The following ACER3 variants were observed in gnomAD, a reference collection of about 807,000 sequenced individuals.
ACER3 encodes alkCDase 3.
Under a neutral mutation model 48.9 loss-of-function variants are expected in ACER3, and 16 were observed. The ratio of observed to expected loss-of-function variants is 0.33; its 90% CI spans 0.22 to 0.50. The LOEUF is 0.50. Ranked by LOEUF, ACER3 falls within the 20% of genes least tolerant of loss-of-function variation. The pLI is 0.98. For synonymous variants in ACER3, 109 were observed against 107.8 expected, an observed-to-expected ratio of 1.01 and a Z score of -0.07; for missense variants, 227 against 326.0, an observed-to-expected ratio of 0.70 and a Z score of 2.34.
intron 10 of ACER3, 93 bp from the exon 11 acceptor site, chr11:77,020,181 T>G (rs769389212): frequency 7.4e-7 from 1 of 1,343,370 alleles, no homozygotes; most frequent in Non-Finnish European, 1.1e-6. Context: ...CTACGTATAG[T>G]CATAGCCCCA....
chr11:76,998,632 C>G, intron 6 of ACER3, 131 bp from the exon 7 acceptor site: 1 of 623,174 alleles, frequency 1.6e-6, no homozygotes. Flanking sequence ...TTTTAACATT[C>G]TATTCTTTAA....
At chr11:76,913,792 C>A (rs1946450099) in intron 1 of ACER3, among the ~76,000 whole-genome samples, 1 of 152,154 alleles carries the variant, frequency 6.6e-6, no homozygotes. Context: ...TACCTGACTT[C>A]AAACTATACT....
At chr11:76,872,898 C>CTTTTTTTTTTTTTTTTTTTTTTTT (rs1201710346) in intron 1 of ACER3, among the ~76,000 whole-genome samples, 1 of 110,616 alleles carries the variant, frequency 9.0e-6, no homozygotes. Context: ...TTCTTTCTTT[C>CTTTTTTTTTTTTTTTTTTTTTTTT]TTTTTTCTTT....
At chr11:77,006,904 G>A (rs113914644) in intron 7 of ACER3, among the ~76,000 whole-genome samples, 26 of 152,134 alleles carry the variant, frequency 1.7e-4, no homozygotes, top group African/African-American at 6.3e-4. Context: ...GAGGCCAGGA[G>A]TTCAAGACCA....
chr11:76,881,908 A>T (rs945670920), intron 1 of ACER3, among the ~76,000 whole-genome samples: 15 of 150,764 alleles, frequency 9.9e-5, no homozygotes, highest in Non-Finnish European at 1.3e-4. Context: ...TTTCTGCTTC[A>T]TTCTCTCTCT....
In ACER3 at chr11:76,878,938, G is replaced by A. The variant is rs186308000; in HGVS notation, c.103+17859G>A. ...CTGAGGATGTTGAGCATATTTTCTT[G>A]TGCTTCTTGGTCATCTGTATATCTT... On this transcript the variant is annotated intron_variant, in intron 1 of 10. Coordinates refer to ENST00000532485, the MANE Select transcript of ACER3 (RefSeq NM_018367.7). Among the ~76,000 whole-genome samples, 34 of 152,100 alleles carry A rather than the reference G, an allele frequency of 2.2e-4. 1 individual carries two copies. The highest frequency in any genetic ancestry group is 2.1e-3 in the South Asian group (10 of 4,826).
At chr11:76,994,136 CTT>C (rs56841188) in intron 6 of ACER3, 8,445 of 378,098 alleles carry the variant, frequency 0.022, 2 homozygotes, top group Non-Finnish European at 0.026. Context: ...ATTAAACTTT[CTT>C]TTTTTTTTTT....
intron 1 of ACER3, among the ~76,000 whole-genome samples, chr11:76,909,397 A>G (rs1221546312): frequency 1.3e-5 from 2 of 152,212 alleles, no homozygotes; most frequent in African/African-American, 4.8e-5. Flanking sequence ...AATATCCAGA[A>G]TCTACAAGGA....
chr11:76,864,547 TA>T (rs1314330070), intron 1 of ACER3, among the ~76,000 whole-genome samples: 4 of 151,696 alleles, frequency 2.6e-5, no homozygotes, highest in African/African-American at 9.7e-5. Context: ...CAAGAGTAAT[TA>T]AAACAGTGCT....
intron 6 of ACER3, among the ~76,000 whole-genome samples, chr11:76,992,416 A>G (rs1242467302): frequency 6.6e-6 from 1 of 152,178 alleles, no homozygotes; most frequent in African/African-American, 2.4e-5. Flanking sequence ...TGTAATAAAA[A>G]ACAACTCTTA....
chr11:77,022,873 AAAAAAAAAAAAAAAAAAAAG>A lies in ACER3; in HGVS notation c.*2551_*2570del, dbSNP rs1415731591. The A allele has an allele frequency of 3.1e-4, 6 of 19,464 alleles. No individual in the cohort carries two copies. The highest frequency in any genetic ancestry group is 7.0e-4 in the Non-Finnish European group (5 of 7,132). The allele number at this position is 19,464 out of a possible 1,614,324, so 1.2% of individuals were successfully genotyped here. A position where few individuals can be genotyped will look rare whatever the true frequency, so the allele number is the denominator to read the frequency against. On this transcript the variant is annotated 3_prime_UTR_variant, in exon 11 of 11. Transcript: ENST00000532485. ...GGCAGAGCGAGACTCCGTCTCAAAA[AAAAAAAAAAAAAAAAAAAAG>A]AAAAGAAAAGAAAATATAAGGATGT...
intron 2 of ACER3, among the ~76,000 whole-genome samples, chr11:76,936,968 C>T (rs1947204175): frequency 6.6e-6 from 1 of 152,132 alleles, no homozygotes; most frequent in Non-Finnish European, 1.5e-5. Flanking sequence ...CTGCCCACCT[C>T]AGCTTCCCAA....
Position 77,022,941 on chromosome 11 carries a change from A to G in ACER3, c.*2614A>G. On this transcript the variant is annotated 3_prime_UTR_variant, in exon 11 of 11. Coordinates refer to ENST00000532485, the MANE Select transcript of ACER3 (RefSeq NM_018367.7). ...TGTAAAAGAAGCAATTTGCTTGCAC[A>G]TCTGAATATCCTTCTTGTGCCTCCA... 2.6e-6 allele frequency: 1 copy of G among 391,726 alleles called. No homozygotes were observed. The highest frequency in any genetic ancestry group is 4.5e-6 in the Non-Finnish European group (1 of 222,194). 24.3% of individuals were successfully genotyped at this position (391,726 alleles called of 1,614,324 possible). A position where few individuals can be genotyped will look rare whatever the true frequency, so the allele number is the denominator to read the frequency against.
chr11:76,907,436 A>G (rs1330380160), intron 1 of ACER3, among the ~76,000 whole-genome samples: 1 of 152,194 alleles, frequency 6.6e-6, no homozygotes, highest in Non-Finnish European at 1.5e-5. Context: ...TCTCTTTCAT[A>G]TTGTTTCCAA....
intron 1 of ACER3, among the ~76,000 whole-genome samples, chr11:76,892,850 A>C (rs1452127337): frequency 6.6e-6 from 1 of 152,204 alleles, no homozygotes; most frequent in African/African-American, 2.4e-5. Flanking sequence ...AAAGCATCCA[A>C]ATTGACAAGG....
chr11:76,920,388 A>G (rs115727175), intron 1 of ACER3, among the ~76,000 whole-genome samples: 210 of 152,280 alleles, frequency 1.4e-3, no homozygotes, highest in African/African-American at 4.6e-3. Flanking sequence ...CACCACAGCA[A>G]CTTCTCGGCT....
chr11:76,958,376 G>A (rs752542579), intron 2 of ACER3, among the ~76,000 whole-genome samples: 2 of 148,082 alleles, frequency 1.4e-5, no homozygotes, highest in Non-Finnish European at 3.0e-5. Context: ...TAGTAGAGAC[G>A]GGGTTTCACC....
At chr11:76,909,593 T>C (rs1291037058) in intron 1 of ACER3, among the ~76,000 whole-genome samples, 1 of 152,184 alleles carries the variant, frequency 6.6e-6, no homozygotes, top group African/African-American at 2.4e-5. Flanking sequence ...CCAGTTAGAA[T>C]GGCAATCATT....
At chr11:77,014,463 A>G (rs1555022845) in intron 7 of ACER3, among the ~76,000 whole-genome samples, 1 of 152,238 alleles carries the variant, frequency 6.6e-6, no homozygotes, top group Non-Finnish European at 1.5e-5. Flanking sequence ...GGTACACAGT[A>G]AGTACTCCAT....
Sources: allele counts gnomAD v4.1 joint callset (sites outside exome capture counted in the v4.1 genomes callset), GRCh38; gene constraint gnomAD v4.1.1; transcripts MANE v1.5; gene names NCBI Gene and HGNC (gene_info 2026-07-23, HGNC 2026-07-21).